Variants in EFR3B observed in about 807,000 individuals in gnomAD.
EFR3B encodes the protein protein EFR3 homolog B.
In EFR3B, 64 loss-of-function variants were observed where a neutral mutation model predicts 104.7. The observed-to-expected ratio is 0.61, with a 90% CI of 0.50 to 0.75. The LOEUF is 0.75. Ranked by LOEUF, EFR3B falls within the 30% of genes least tolerant of loss-of-function variation. The pLI, the probability that EFR3B is intolerant of heterozygous loss-of-function variation, is 0.00. For missense variants in EFR3B, 750 were observed against 1,078.5 expected (o/e 0.70, Z 4.27); for synonymous variants, 385 against 417.9 (o/e 0.92, Z 0.96).
chr2:25,144,188 T>A (rs1670753867), intron 18 of EFR3B, among the ~76,000 whole-genome samples: 1 of 152,174 alleles, frequency 6.6e-6, no homozygotes, highest in African/African-American at 2.4e-5. Flanking sequence ...GCCTGAAAGA[T>A]CTTAGACAAG....
intron 16 of EFR3B, 62 bp from the exon 17 acceptor site, chr2:25,141,304 G>A (rs969607778): frequency 6.5e-6 from 10 of 1,528,060 alleles, no homozygotes; most frequent in East Asian, 4.9e-5. Context: ...GAGCTCTTTC[G>A]TTGCCTGTGA....
Position 25,042,233 on chromosome 2 carries a change from A to G in EFR3B, c.-80A>G. 3.1e-6 allele frequency: 4 copies of G among 1,280,378 alleles called. No individual in the cohort carries two copies. Among genetic ancestry groups the G allele is most frequent in the Non-Finnish European group, 4.0e-6 (4 of 1,010,952 alleles). 79.3% of individuals were successfully genotyped at this position (1,280,378 alleles called of 1,614,324 possible). A position where few individuals can be genotyped will look rare whatever the true frequency, so the allele number is the denominator to read the frequency against. On this transcript the variant is annotated 5_prime_UTR_variant, in exon 1 of 23. The change abolishes an upstream ATG in the 5' untranslated region. Coordinates refer to ENST00000403714, the MANE Select transcript of EFR3B (RefSeq NM_014971.2). The surrounding 1 kb of genome is among the most constrained non-coding windows in gnomAD (Gnocchi z 5.4). The stretch of plus-strand genomic sequence containing the variant: ...CCGCCAGTCCCCGCCCCGACTGTGA[A>G]TGAAAGGCGGGCGCCGCCGAGGGCT...
intron 19 of EFR3B, among the ~76,000 whole-genome samples, chr2:25,149,361 A>ATAAAG (rs1453507257): frequency 6.6e-6 from 1 of 152,130 alleles, no homozygotes; most frequent in Non-Finnish European, 1.5e-5. Context: ...ATAAAATAAC[A>ATAAAG]TGAAATAAAA....
intron 1 of EFR3B, among the ~76,000 whole-genome samples, chr2:25,066,569 C>T (rs1392057337): frequency 6.6e-6 from 1 of 152,194 alleles, no homozygotes; most frequent in Non-Finnish European, 1.5e-5. Context: ...TACTTCATCT[C>T]CATGGGGAGG....
At chr2:25,059,499 T>A (rs1668119948) in intron 1 of EFR3B, among the ~76,000 whole-genome samples, 1 of 145,500 alleles carries the variant, frequency 6.9e-6, no homozygotes, top group African/African-American at 2.6e-5. Context: ...AGTATATGAT[T>A]CCAGTAGTAT....
At chr2:25,089,822 T>C (rs906579217) in intron 1 of EFR3B, among the ~76,000 whole-genome samples, 7 of 152,066 alleles carry the variant, frequency 4.6e-5, no homozygotes, top group Admixed American at 4.6e-4. Context: ...CCTGGTCCCT[T>C]CTGTGCTGGG....
Position 25,151,888 on chromosome 2 carries a change from C to T in EFR3B, c.2192-26C>T, listed in dbSNP as rs766818772. 9 of 1,550,368 alleles carry T rather than the reference C, an allele frequency of 5.8e-6. No individual in the cohort carries two copies. In the South Asian group the frequency reaches 1.1e-4, roughly 18 times the overall value. Reference sequence around the variant, plus strand: ...CTTCACCTCAGTGAGCAGGGCCTGGCACTAACCCAGCTCTCTGTGTCGAAG... The same window carrying T: ...CTTCACCTCAGTGAGCAGGGCCTGGTACTAACCCAGCTCTCTGTGTCGAAG... On this transcript the variant is annotated intron_variant, in intron 20 of 22. Transcript: ENST00000403714.
At chr2:25,141,563 C>T (rs1309461826) in intron 17 of EFR3B, 130 bp downstream of exon 17, 3 of 931,928 alleles carry the variant, frequency 3.2e-6, no homozygotes, top group Non-Finnish European at 4.7e-6. Flanking sequence ...AGAAGGTGGG[C>T]TCTGCCTGTG....
chr2:25,122,673 T>A (rs1000397610), intron 5 of EFR3B, among the ~76,000 whole-genome samples: 7 of 151,990 alleles, frequency 4.6e-5, no homozygotes, highest in Admixed American at 2.0e-4. Flanking sequence ...CTGTCAAACC[T>A]TTGCTCAAAT....
intron 3 of EFR3B, 77 bp from the exon 4 acceptor site, chr2:25,103,560 C>A: frequency 6.7e-7 from 1 of 1,501,928 alleles, no homozygotes; most frequent in Middle Eastern, 1.8e-4. Context: ...GGTCACCACA[C>A]TGACACCTTG....
rs749550862 is a variant in EFR3B at position 25,132,889 on chromosome 2, G to A, written c.1148-14G>A. ...CTGTGCCTCACTGGGCACCCTCTCC[G>A]CCACCTCCTGCAGGCTCCTTTGCCA... On this transcript the variant is annotated splice_polypyrimidine_tract_variant and intron_variant, in intron 10 of 22. Coordinates refer to ENST00000403714, the MANE Select transcript of EFR3B (RefSeq NM_014971.2). 7.7e-6 allele frequency: 12 copies of A among 1,548,942 alleles called. No homozygotes were observed. The South Asian group carries it at 9.5e-5, about 12-fold the overall frequency.
At chr2:25,144,927 G>C in intron 18 of EFR3B, 33 bp from the exon 19 acceptor site, 1 of 1,544,416 alleles carries the variant, frequency 6.5e-7, no homozygotes. Context: ...CTGAGGGCTG[G>C]GAACTAAAGC....
chr2:25,099,478 C>A (rs1029080912), intron 3 of EFR3B, among the ~76,000 whole-genome samples: 1 of 151,598 alleles, frequency 6.6e-6, no homozygotes, highest in African/African-American at 2.4e-5. Context: ...TTTGATAATA[C>A]TTTTATTTAA....
At chr2:25,101,781 G>C (rs1669437820) in intron 3 of EFR3B, among the ~76,000 whole-genome samples, 1 of 152,180 alleles carries the variant, frequency 6.6e-6, no homozygotes, top group Non-Finnish European at 1.5e-5. Flanking sequence ...AAGGCAAAGG[G>C]ACATATTTTA....
At chr2:25,080,044 T>G in intron 1 of EFR3B, 1 of 878,966 alleles carries the variant, frequency 1.1e-6, no homozygotes, top group African/African-American at 1.7e-5. Context: ...CTCGGTGCCT[T>G]AGCATCATCA....
At chr2:25,141,289 C>T (rs1017063156) in intron 16 of EFR3B, 77 bp from the exon 17 acceptor site, 3 of 1,462,146 alleles carry the variant, frequency 2.1e-6, no homozygotes, top group East Asian at 5.0e-5. Flanking sequence ...CCGAGCCGGG[C>T]ATGGGAGCTC....
In EFR3B at chr2:25,080,555, A is replaced by G. The variant is rs572143022; in HGVS notation, c.8-10770A>G. 2.4e-5 allele frequency: 12 copies of G among 493,314 alleles called. No homozygotes were observed. In the Admixed American group the frequency reaches 4.5e-4, roughly 18 times the overall value. The allele number at this position is 493,314 out of a possible 1,614,324, so 30.6% of individuals were successfully genotyped here. A position where few individuals can be genotyped will look rare whatever the true frequency, so the allele number is the denominator to read the frequency against. On this transcript the variant is annotated intron_variant, in intron 1 of 22. Transcript: ENST00000403714. ...GGTATCTGCCCGCCTCGGCCTCCCA[A>G]AGTGTTGGGATTACAGGCATGAGCC...
chr2:25,101,536 A>G (rs1437341461), intron 3 of EFR3B, among the ~76,000 whole-genome samples: 2 of 152,074 alleles, frequency 1.3e-5, no homozygotes, highest in African/African-American at 2.4e-5. Flanking sequence ...TATCATAAAG[A>G]AGGGGTCTCG....
chr2:25,144,003 AT>A, intron 18 of EFR3B, 141 bp downstream of exon 18: 2 of 1,260,968 alleles, frequency 1.6e-6, no homozygotes, highest in East Asian at 2.6e-5. Flanking sequence ...CACAGTGGAA[AT>A]TTATGGTGAG....
Sources: allele counts gnomAD v4.1 joint callset (sites outside exome capture counted in the v4.1 genomes callset), GRCh38; gene constraint gnomAD v4.1.1; non-coding constraint Gnocchi (gnomAD v3.1); transcripts MANE v1.5; gene names NCBI Gene and HGNC (gene_info 2026-07-23, HGNC 2026-07-21).